CSRNP3: variants seen among roughly 807,000 people sequenced by gnomAD.
CSRNP3 encodes cysteine and serine rich nuclear protein 3.
Under a neutral mutation model 48.0 loss-of-function variants are expected in CSRNP3, and 12 were observed. The ratio of observed to expected loss-of-function variants is 0.25; its 90% CI spans 0.16 to 0.41. CSRNP3 has a LOEUF of 0.41. CSRNP3 is among the 10% of genes least tolerant of loss of function. The pLI, the probability that CSRNP3 is intolerant of heterozygous loss-of-function variation, is 1.00. For missense variants in CSRNP3, 580 were observed against 724.4 expected (o/e 0.80, Z 2.29); for synonymous variants, 263 against 269.7 (o/e 0.98, Z 0.24).
At chr2:165,623,676 A>G (rs1471598315) in intron 4 of CSRNP3, among the ~76,000 whole-genome samples, 2 of 152,178 alleles carry the variant, frequency 1.3e-5, no homozygotes, top group Non-Finnish European at 2.9e-5. Context: ...TTTGTGCTAT[A>G]TTTACATACT....
chr2:165,676,081 A>G (rs1249788106), intron 5 of CSRNP3, among the ~76,000 whole-genome samples: 1 of 152,200 alleles, frequency 6.6e-6, no homozygotes, highest in Non-Finnish European at 1.5e-5. Context: ...TTAGGAGTTT[A>G]TGAGTTCCAA....
At chr2:165,633,357 T>C (rs1185323969) in intron 4 of CSRNP3, among the ~76,000 whole-genome samples, 2 of 152,208 alleles carry the variant, frequency 1.3e-5, no homozygotes, top group Non-Finnish European at 2.9e-5. Flanking sequence ...AGTAATGGCC[T>C]ATTGTGAAGC....
chr2:165,547,209 T>C (rs1012855360), intron 3 of CSRNP3, among the ~76,000 whole-genome samples: 28 of 152,196 alleles, frequency 1.8e-4, no homozygotes, highest in African/African-American at 5.8e-4. Flanking sequence ...CTCATTTAAC[T>C]ATTTCCATAA....
chr2:165,534,704 G>A (rs1471828152), intron 3 of CSRNP3, among the ~76,000 whole-genome samples: 2 of 151,390 alleles, frequency 1.3e-5, no homozygotes, highest in African/African-American at 2.4e-5. Context: ...ACACTGACAT[G>A]GAAAAACATC....
chr2:165,560,555 CT>C (rs758900244), intron 3 of CSRNP3, among the ~76,000 whole-genome samples: 44 of 152,322 alleles, frequency 2.9e-4, no homozygotes, highest in Middle Eastern at 6.8e-3. Context: ...CTGGTTCCCA[CT>C]GAGTGAGTCT....
rs973256487 is a variant in CSRNP3, at chr2:165,665,222, T to C, written c.408+7202T>C. ...GAGAAACATTGCCAGGGTGCGCCAC[T>C]GCTACTGATAGGATGTATAGATGCC... On this transcript the variant is annotated intron_variant, in intron 5 of 6. Transcript: ENST00000651982. Among the ~76,000 whole-genome samples the C allele has an allele frequency of 1.1e-4, 16 of 152,156 alleles. 1 individual carries two copies. Among genetic ancestry groups the C allele is most frequent in the African/African-American group, 3.4e-4 (14 of 41,426 alleles).
intron 3 of CSRNP3, among the ~76,000 whole-genome samples, chr2:165,589,472 G>GGT (rs1232018034): frequency 6.6e-6 from 1 of 152,148 alleles, no homozygotes; most frequent in East Asian, 1.9e-4. Flanking sequence ...GTACTTAACA[G>GGT]GTGTTTCATG....
chr2:165,617,839 G>T (rs1180580708), intron 4 of CSRNP3, among the ~76,000 whole-genome samples: 1 of 152,168 alleles, frequency 6.6e-6, no homozygotes, highest in Non-Finnish European at 1.5e-5. Flanking sequence ...GGGGTGTAGG[G>T]CACTGCATAG....
In CSRNP3 at chr2:165,678,955, A is replaced by C. The variant is rs748283721; in HGVS notation, c.960A>C (p.Glu320Asp). ...EYSIADSFEI[E>D]TEPQAAVLHL... ...CAATCGCAGACAGTTTTGAGATTGA[A>C]ACTGAGCCCCAGGCTGCAGTGCTGC... The change falls in exon 7 of 7, where the codon GAA becomes GAC. Residue 320 changes from glutamate (E) to aspartate (D), a missense_variant. Coordinates refer to ENST00000651982, the MANE Select transcript of CSRNP3 (RefSeq NM_001172173.2). 5.6e-6 allele frequency: 9 copies of C among 1,613,908 alleles called. No individual in the cohort carries two copies. In the African/African-American group the frequency reaches 6.7e-5, roughly 12 times the overall value.
chr2:165,559,261 G>C (rs1212268060), intron 3 of CSRNP3, among the ~76,000 whole-genome samples: 1 of 152,148 alleles, frequency 6.6e-6, no homozygotes, highest in Non-Finnish European at 1.5e-5. Context: ...TAGAAAAAGA[G>C]CTTGGTCTGT....
intron 1 of CSRNP3, among the ~76,000 whole-genome samples, chr2:165,483,087 G>T (rs185207169): frequency 5.9e-4 from 88 of 150,128 alleles, no homozygotes; most frequent in African/African-American, 2.0e-3. Flanking sequence ...AATAAATAAT[G>T]TATATATAAA....
chr2:165,506,030 G>A (rs1684421852), intron 2 of CSRNP3, among the ~76,000 whole-genome samples: 1 of 152,032 alleles, frequency 6.6e-6, no homozygotes, highest in South Asian at 2.1e-4. Context: ...AAATGGATTG[G>A]GGGTTCAAAT....
chr2:165,595,296 G>C (rs1262172919), intron 4 of CSRNP3, 83 bp downstream of exon 4: 1 of 1,298,246 alleles, frequency 7.7e-7, no homozygotes, highest in African/African-American at 1.5e-5. Context: ...TACCTTTCAT[G>C]CTAGCTATAT....
At chr2:165,584,586 G>C (rs1273167528) in intron 3 of CSRNP3, among the ~76,000 whole-genome samples, 1 of 152,114 alleles carries the variant, frequency 6.6e-6, no homozygotes, top group African/African-American at 2.4e-5. Context: ...CAAAGAATAT[G>C]AGAGTGCAAT....
At chr2:165,663,212 C>G (rs538998821) in intron 5 of CSRNP3, among the ~76,000 whole-genome samples, 3 of 152,182 alleles carry the variant, frequency 2.0e-5, no homozygotes, top group Non-Finnish European at 2.9e-5. Flanking sequence ...TGAACTATAT[C>G]AATCATCAAC....
At chr2:165,555,379 A>G (rs1429834788) in intron 3 of CSRNP3, among the ~76,000 whole-genome samples, 2 of 152,220 alleles carry the variant, frequency 1.3e-5, no homozygotes, top group African/African-American at 2.4e-5. Flanking sequence ...TTGAGCTTTC[A>G]TTTTACAGAT....
At chr2:165,667,095 G>GGAAGGAAGGAAGGGA (rs1687245106) in intron 5 of CSRNP3, among the ~76,000 whole-genome samples, 1 of 31,774 alleles carries the variant, frequency 3.1e-5, no homozygotes, top group Non-Finnish European at 7.4e-5. Context: ...AAGAGAGAGA[G>GGAAGGAAGGAAGGGA]AGAAAAGGAA....
At chr2:165,496,262 T>A (rs943802768) in intron 2 of CSRNP3, among the ~76,000 whole-genome samples, 4 of 152,014 alleles carry the variant, frequency 2.6e-5, no homozygotes, top group African/African-American at 9.7e-5. Flanking sequence ...TCTGAGGATA[T>A]GATTCTCCAG....
chr2:165,546,449 C>G (rs938243047), intron 3 of CSRNP3, among the ~76,000 whole-genome samples: 1 of 152,098 alleles, frequency 6.6e-6, no homozygotes, highest in Non-Finnish European at 1.5e-5. Flanking sequence ...CCTAGGCCTC[C>G]CAAAGTGCTG....
Sources: allele counts gnomAD v4.1 joint callset (sites outside exome capture counted in the v4.1 genomes callset), GRCh38; gene constraint gnomAD v4.1.1; transcripts MANE v1.5; gene names NCBI Gene and HGNC (gene_info 2026-07-23, HGNC 2026-07-21).